Variants in PLEKHO2 observed in about 807,000 individuals in gnomAD.
PLEKHO2 encodes the protein pleckstrin homology domain-containing family O member 2.
Under a neutral mutation model 32.7 loss-of-function variants are expected in PLEKHO2, and 20 were observed. The observed-to-expected ratio is 0.61, with a 90% confidence interval of 0.43 to 0.89. PLEKHO2 has a LOEUF of 0.89. PLEKHO2 is among the 40% of genes least tolerant of loss of function. The pLI is 0.00. For missense variants in PLEKHO2, 568 were observed against 621.2 expected (o/e 0.91, Z 0.91); for synonymous variants, 247 against 246.3 (o/e 1.00, Z -0.03).
intron 1 of PLEKHO2, among the ~76,000 whole-genome samples, chr15:64,847,131 C>T (rs1464425905): frequency 1.3e-5 from 2 of 152,166 alleles, no homozygotes; most frequent in African/African-American, 2.4e-5. Flanking sequence ...CACTAGAATG[C>T]GCAGTTCAAA....
At position 64,864,894 on chromosome 15, in the gene PLEKHO2, A is replaced by C. The variant is rs75191002; in HGVS notation, c.484-5A>C. On this transcript the variant is annotated splice_polypyrimidine_tract_variant and splice_region_variant and intron_variant, in intron 5 of 5. Coordinates refer to ENST00000323544, the MANE Select transcript of PLEKHO2 (RefSeq NM_025201.5). Reference sequence around the variant, plus strand: ...ATGACACCCATATACCATCCCCCCCACCAGGTGGCCAGTGCAGCTTCTGAC... The same window carrying C: ...ATGACACCCATATACCATCCCCCCCCCCAGGTGGCCAGTGCAGCTTCTGAC... The C allele has an allele frequency of 6.3e-7, 1 of 1,575,772 alleles. No homozygotes were observed. The highest frequency in any genetic ancestry group is 8.6e-7 in the Non-Finnish European group (1 of 1,161,546).
rs1456664979 is a variant in PLEKHO2, at chr15:64,854,933, T to C, written c.175T>C (p.Cys59Arg). 1.2e-6 allele frequency: 2 copies of C among 1,612,894 alleles called. No homozygotes were observed. Among genetic ancestry groups the C allele is most frequent in the Non-Finnish European group, 1.7e-6 (2 of 1,179,616 alleles). Residue 59 changes from cysteine to arginine, a missense_variant, in exon 3 of 6, where the codon TGT becomes CGT. Coordinates refer to ENST00000323544, the MANE Select transcript of PLEKHO2 (RefSeq NM_025201.5). The stretch of plus-strand genomic sequence containing the variant: ...TCTCCCTCCCCAGGATGATCAGAAG[T>C]GTGTGGAGACTGTGGAGCTGGGCAG... ...LVYENEDDQK[C>R]VETVELGSYE... is the part of the protein sequence containing the mutation.
chr15:64,861,603 G>C, intron 5 of PLEKHO2, 28 bp downstream of exon 5: 8 of 1,544,380 alleles, frequency 5.2e-6, no homozygotes, highest in Non-Finnish European at 7.0e-6. Flanking sequence ...GTGGATGTTG[G>C]GGTTAGTTGA....
rs372421880 is a variant in PLEKHO2 at position 64,844,730 on chromosome 15, C to G, written c.12+2702C>G. ...GATAACCTTTTGTGCCTTGCCTTCT[C>G]TGGACCAAGGCGTGTGTCTCTTCCC... On this transcript the variant is annotated intron_variant, in intron 1 of 5. Transcript: ENST00000323544. Among the ~76,000 whole-genome samples, 5 of 152,292 alleles carry G rather than the reference C, an allele frequency of 3.3e-5. No individual in the cohort carries two copies. The South Asian group carries it at 8.3e-4, about 25-fold the overall frequency.
intron 5 of PLEKHO2, among the ~76,000 whole-genome samples, chr15:64,862,476 G>C (rs899770021): frequency 1.3e-5 from 2 of 152,092 alleles, no homozygotes; most frequent in African/African-American, 4.8e-5. Context: ...CAGGGAATTT[G>C]GAGAGGGTAT....
At chr15:64,844,407 T>C (rs1319140255) in intron 1 of PLEKHO2, among the ~76,000 whole-genome samples, 1 of 152,178 alleles carries the variant, frequency 6.6e-6, no homozygotes, top group East Asian at 1.9e-4. Context: ...AGCAATGTGA[T>C]GATGTATATT....
chr15:64,851,818 T>G (rs1050204858), intron 2 of PLEKHO2, among the ~76,000 whole-genome samples: 1 of 151,984 alleles, frequency 6.6e-6, no homozygotes, highest in Non-Finnish European at 1.5e-5. Flanking sequence ...GAGGAGGGTG[T>G]ATTCGGGCCA....
rs2084670986 is a variant in PLEKHO2 at position 64,865,011 on chromosome 15, C to T, written c.596C>T (p.Thr199Ile). The T allele has an allele frequency of 6.2e-7, 1 of 1,614,140 alleles. No homozygotes were observed. The stretch of plus-strand genomic sequence containing the variant: ...GTCAGTGAAGCCCAACCTCGGGAGA[C>T]ACCCCGGCCCCTCATGCCTCCTACC... Reference protein sequence around the residue: ...NHVSEAQPRETPRPLMPPTKP... With the variant: ...NHVSEAQPREIPRPLMPPTKP... Residue 199 changes from threonine to isoleucine, a missense_variant, in exon 6 of 6, where the codon ACA becomes ATA. By Grantham distance (89) the Thr-to-Ile change is moderately conservative. Transcript: ENST00000323544.
chr15:64,851,585 A>T (rs1374145852), intron 2 of PLEKHO2, among the ~76,000 whole-genome samples: 1 of 152,160 alleles, frequency 6.6e-6, no homozygotes, highest in Non-Finnish European at 1.5e-5. Context: ...TGATGTAAGG[A>T]ACTAGGCGAA....
intron 2 of PLEKHO2, 68 bp from the exon 3 acceptor site, chr15:64,854,853 A>G (rs2084595019): frequency 3.3e-6 from 4 of 1,218,292 alleles, no homozygotes; most frequent in Admixed American, 3.4e-5. Context: ...GGTCTGGGAC[A>G]TGAGTAGTTG....
At chr15:64,861,702 A>C in intron 5 of PLEKHO2, 127 bp downstream of exon 5, 1 of 664,574 alleles carries the variant, frequency 1.5e-6, no homozygotes, top group South Asian at 2.1e-5. Context: ...CCTGAGGAGT[A>C]GACAGGAAGT....
chr15:64,844,351 C>G (rs769296917), intron 1 of PLEKHO2, among the ~76,000 whole-genome samples: 1 of 152,186 alleles, frequency 6.6e-6, no homozygotes, highest in Non-Finnish European at 1.5e-5. Context: ...CCTGTGTGCT[C>G]CTGGCCTCGG....
chr15:64,847,082 AGTCTGCAT>A (rs2084527816), intron 1 of PLEKHO2, among the ~76,000 whole-genome samples: 1 of 152,216 alleles, frequency 6.6e-6, no homozygotes, highest in Admixed American at 6.5e-5. Flanking sequence ...GGTTTGCTTC[AGTCTGCAT>A]GACTGCAGCT....
intron 3 of PLEKHO2, among the ~76,000 whole-genome samples, chr15:64,855,603 T>A (rs1418952101): frequency 6.6e-6 from 1 of 151,900 alleles, no homozygotes; most frequent in African/African-American, 2.4e-5. Context: ...CTTGAGAGAG[T>A]CTTTCCCTGG....
intron 1 of PLEKHO2, among the ~76,000 whole-genome samples, chr15:64,843,000 G>A (rs1280544964): frequency 6.6e-6 from 1 of 152,174 alleles, no homozygotes; most frequent in Non-Finnish European, 1.5e-5. Flanking sequence ...AAGGGAAGGG[G>A]CATGTCTTTG....
intron 1 of PLEKHO2, among the ~76,000 whole-genome samples, chr15:64,845,225 T>TG (rs1314693717): frequency 2.0e-5 from 3 of 150,720 alleles, no homozygotes; most frequent in Admixed American, 1.3e-4. Context: ...TTTTTTTTTT[T>TG]TTTTTTTTAA....
At chr15:64,864,642 G>A (rs77651237) in intron 5 of PLEKHO2, among the ~76,000 whole-genome samples, 1,736 of 152,316 alleles carry the variant, frequency 0.011, 34 homozygotes, top group African/African-American at 0.04. Context: ...GCTCCAAGAG[G>A]ACCCTGGCTG....
intron 1 of PLEKHO2, among the ~76,000 whole-genome samples, chr15:64,846,870 G>A (rs998772078): frequency 2.0e-5 from 3 of 152,156 alleles, no homozygotes; most frequent in Admixed American, 6.6e-5. Flanking sequence ...GGGCATCCTG[G>A]GAACTGCTCT....
Position 64,866,093 on chromosome 15 carries a change from T to C in PLEKHO2, c.*205T>C. 1 of 683,324 alleles carries C rather than the reference T, an allele frequency of 1.5e-6. No homozygotes were observed. Among genetic ancestry groups the C allele is most frequent in the Non-Finnish European group, 2.4e-6 (1 of 414,362 alleles). 42.3% of individuals were successfully genotyped at this position (683,324 alleles called of 1,614,324 possible). A position where few individuals can be genotyped will look rare whatever the true frequency, so the allele number is the denominator to read the frequency against. On this transcript the variant is annotated 3_prime_UTR_variant, in exon 6 of 6. Coordinates refer to ENST00000323544, the MANE Select transcript of PLEKHO2 (RefSeq NM_025201.5). ...AGTGGTGCCAGGTGCCACCCAGGGC[T>C]ACTGCCTGGCTATCTGGCCTGGCCT...
Sources: allele counts gnomAD v4.1 joint callset (sites outside exome capture counted in the v4.1 genomes callset), GRCh38; gene constraint gnomAD v4.1.1; transcripts MANE v1.5; gene names NCBI Gene and HGNC (gene_info 2026-07-23, HGNC 2026-07-21).